SLC4A8: variants seen among roughly 807,000 people sequenced by gnomAD.
The protein encoded by SLC4A8 is electroneutral sodium bicarbonate exchanger 1.
Under a neutral mutation model 125.0 loss-of-function variants are expected in SLC4A8, and 40 were observed. That is an observed-to-expected ratio of 0.32 (90% CI 0.25 to 0.42). The LOEUF (loss-of-function observed/expected upper bound fraction) is 0.42, where lower values mean the gene tolerates loss of function less well. Ranked by LOEUF, SLC4A8 falls within the 10% of genes least tolerant of loss-of-function variation. The probability of loss-of-function intolerance (pLI) is 1.00; values close to 1 mark genes in which losing one functional copy is unlikely to be tolerated. For synonymous variants in SLC4A8, 456 were observed against 476.0 expected (o/e 0.96, Z 0.55); for missense variants, 863 against 1,355.1 (o/e 0.64, Z 5.70).
In SLC4A8 at chr12:51,444,157, G is replaced by A. The variant is rs536692260; in HGVS notation, c.130+3368G>A. Among the ~76,000 whole-genome samples the A allele has an allele frequency of 3.3e-5, 5 of 152,284 alleles. No homozygotes were observed. The East Asian group carries it at 7.7e-4, about 24-fold the overall frequency. ...TAGAAGACGGGGGCAAAGAGCGGTT[G>A]AATGGCCAACAAAGTGACCACAGAA... is the stretch of plus-strand genomic sequence containing the variant. On this transcript the variant is annotated intron_variant, in intron 2 of 24. Coordinates refer to ENST00000453097, the MANE Select transcript of SLC4A8 (RefSeq NM_001039960.3).
chr12:51,489,748 G>A lies in SLC4A8; in HGVS notation c.2497G>A (p.Gly833Ser), dbSNP rs1190526891. The A allele has an allele frequency of 6.2e-7, 1 of 1,614,146 alleles. No homozygotes were observed. The highest frequency in any genetic ancestry group is 1.1e-5 in the South Asian group (1 of 91,072). The change falls in exon 19 of 25, where the codon GGT becomes AGT. Residue 833 changes from glycine (G) to serine (S), a missense_variant. By Grantham distance (56) the Gly-to-Ser change is moderately conservative (BLOSUM62 0). Coordinates refer to ENST00000453097, the MANE Select transcript of SLC4A8 (RefSeq NM_001039960.3). ...LDLLMVAIML[G>S]VCSIMGLPWF... ...CCTACTGATGGTGGCCATCATGCTG[G>A]GTGTCTGCTCCATCATGGGCCTGCC...
In SLC4A8 at chr12:51,514,323, A is replaced by G. The variant is rs1345334758; in HGVS notation, c.*6885A>G. On this transcript the variant is annotated 3_prime_UTR_variant, in exon 25 of 25. Coordinates refer to ENST00000453097, the MANE Select transcript of SLC4A8 (RefSeq NM_001039960.3). ...TCTGGTCATAGGTGTTGGGCCTCCCATTAGGTAGAAGTCCTTTGAGCAGAC... is the reference window on the plus strand; with the variant it reads ...TCTGGTCATAGGTGTTGGGCCTCCCGTTAGGTAGAAGTCCTTTGAGCAGAC... The G allele has an allele frequency of 2.0e-5, 3 of 152,636 alleles. 1 individual carries two copies. In the South Asian group the frequency reaches 6.2e-4, roughly 32 times the overall value. 9.5% of individuals were successfully genotyped at this position (152,636 alleles called of 1,614,324 possible).
At chr12:51,468,717 G>A (rs893660837) in intron 11 of SLC4A8, among the ~76,000 whole-genome samples, 4 of 152,140 alleles carry the variant, frequency 2.6e-5, no homozygotes, top group African/African-American at 9.7e-5. Flanking sequence ...CAGAGATGGC[G>A]CCACTGCACT....
chr12:51,498,495 A>G (rs1937671218), intron 22 of SLC4A8, among the ~76,000 whole-genome samples: 1 of 152,068 alleles, frequency 6.6e-6, no homozygotes, highest in Admixed American at 6.5e-5. Context: ...CAAGGAGAAT[A>G]CTTTTTTACT....
chr12:51,425,618 G>A (rs886471360), intron 1 of SLC4A8, among the ~76,000 whole-genome samples: 3 of 152,144 alleles, frequency 2.0e-5, no homozygotes, highest in African/African-American at 7.2e-5. Flanking sequence ...GTGTGGAGGG[G>A]TCAGGAACAG....
At chr12:51,465,649 G>C (rs919418121) in intron 11 of SLC4A8, among the ~76,000 whole-genome samples, 3 of 152,194 alleles carry the variant, frequency 2.0e-5, no homozygotes, top group African/African-American at 7.2e-5. Context: ...TGGGCTCAGA[G>C]CTTAGCTCTG....
rs141661396 is a variant in SLC4A8, at chr12:51,401,002, G to C, written c.-112+9514G>C. On this transcript the variant is annotated intron_variant, in intron 1 of 24. Coordinates refer to the SLC4A8 transcript ENST00000358657. ...CACAGGGAGTGCAACAAGGGGAGTG[G>C]CTCGCTTCTTTAGGGCCCGGCTGCT... Among the ~76,000 whole-genome samples the C allele has an allele frequency of 7.2e-3, 1,092 of 151,444 alleles. 15 individuals carry two copies. Among genetic ancestry groups the C allele is most frequent in the African/African-American group, 0.025 (1,026 of 41,240 alleles).
chr12:51,493,836 G>GCTGTCCCTCCCT, intron 20 of SLC4A8, 64 bp downstream of exon 20: 5 of 1,011,076 alleles, frequency 4.9e-6, no homozygotes, highest in Non-Finnish European at 7.9e-6. Flanking sequence ...TGTCCAGGGA[G>GCTGTCCCTCCCT]GGACAGCTCC....
Position 51,510,948 on chromosome 12 carries a change from A to C in SLC4A8, c.*3510A>C, listed in dbSNP as rs1287436581. 6.6e-6 allele frequency: 1 copy of C among 152,168 alleles called. No homozygotes were observed. Among genetic ancestry groups the C allele is most frequent in the Non-Finnish European group, 1.5e-5 (1 of 68,044 alleles). 9.4% of individuals were successfully genotyped at this position (152,168 alleles called of 1,614,324 possible). ...TCTCTTTGTGAGGTTCGATTTTTTA[A>C]AAATCCATGGGTCCCTATGGACTGT... On this transcript the variant is annotated 3_prime_UTR_variant, in exon 25 of 25. Transcript: ENST00000453097.
In SLC4A8 at chr12:51,490,884, A is replaced by G. The variant is rs558101886; in HGVS notation, c.2700+933A>G. Among the ~76,000 whole-genome samples the G allele has an allele frequency of 2.6e-5, 4 of 152,314 alleles. No individual in the cohort carries two copies. The East Asian group carries it at 5.8e-4, about 22-fold the overall frequency. On this transcript the variant is annotated intron_variant, in intron 19 of 24. Coordinates refer to ENST00000453097, the MANE Select transcript of SLC4A8 (RefSeq NM_001039960.3). The stretch of plus-strand genomic sequence containing the variant: ...TCACTCTGGCTGAGGTCTAGGGAAG[A>G]ATAGAAGCAGACAGACCAGTGAAGC...
intron 15 of SLC4A8, 49 bp downstream of exon 15, chr12:51,474,496 G>GCCT: frequency 6.3e-7 from 1 of 1,579,458 alleles, no homozygotes. Flanking sequence ...CACAGGTTTA[G>GCCT]GAGGGACTTC....
At chr12:51,436,318 C>T (rs551247159) in intron 1 of SLC4A8, among the ~76,000 whole-genome samples, 2 of 152,094 alleles carry the variant, frequency 1.3e-5, no homozygotes, top group African/African-American at 4.8e-5. Flanking sequence ...CTTCTTTGTC[C>T]TTAGAGTATA....
chr12:51,508,668 TA>T lies in SLC4A8; in HGVS notation c.*1234del, dbSNP rs1250777435. On this transcript the variant is annotated 3_prime_UTR_variant, in exon 25 of 25. Transcript: ENST00000453097. ...GTGAAATTAGTTTTGGTATTTAATT[TA>T]AAACTACATTTATAGTTTTTCTCTT... The T allele has an allele frequency of 1.3e-5, 2 of 152,742 alleles. No homozygotes were observed. Among genetic ancestry groups the T allele is most frequent in the African/African-American group, 2.4e-5 (1 of 41,592 alleles). 9.5% of individuals were successfully genotyped at this position (152,742 alleles called of 1,614,324 possible). A position where few individuals can be genotyped will look rare whatever the true frequency, so the allele number is the denominator to read the frequency against.
intron 16 of SLC4A8, among the ~76,000 whole-genome samples, chr12:51,479,508 G>A (rs1250596652): frequency 6.6e-6 from 1 of 151,962 alleles, no homozygotes; most frequent in Non-Finnish European, 1.5e-5. Context: ...CCAACATGGT[G>A]AAACCCCATC....
chr12:51,485,701 A>C, intron 16 of SLC4A8, 86 bp from the exon 17 acceptor site: 1 of 676,108 alleles, frequency 1.5e-6, no homozygotes, highest in South Asian at 2.0e-5. Context: ...CATTCTTCTG[A>C]GGATTTTTAA....
chr12:51,499,659 G>T (rs572263814), intron 22 of SLC4A8, among the ~76,000 whole-genome samples: 2 of 97,182 alleles, frequency 2.1e-5, no homozygotes, highest in African/African-American at 3.5e-5. Flanking sequence ...ACACACACAC[G>T]TATATAATTT....
Position 51,470,543 on chromosome 12 carries a change from C to T in SLC4A8, c.1658+18C>T. The T allele has an allele frequency of 6.2e-7, 1 of 1,610,122 alleles. No homozygotes were observed. ...TTCTGCAAGTAAGACATTTGTTTTT[C>T]TGAAAACTCTAACCAGATTTAGTGA... On this transcript the variant is annotated intron_variant, in intron 13 of 24. Transcript: ENST00000453097.
intron 1 of SLC4A8, among the ~76,000 whole-genome samples, chr12:51,411,932 T>C (rs1368747954): frequency 6.6e-6 from 1 of 151,928 alleles, no homozygotes; most frequent in Non-Finnish European, 1.5e-5. Context: ...CGTGGTGGCA[T>C]GTGCCTGTGG....
At chr12:51,440,263 C>T (rs1408621625) in intron 1 of SLC4A8, among the ~76,000 whole-genome samples, 1 of 152,062 alleles carries the variant, frequency 6.6e-6, no homozygotes, top group South Asian at 2.1e-4. Context: ...GATTTACAGC[C>T]ACAAGACCTG....
Sources: allele counts gnomAD v4.1 joint callset (sites outside exome capture counted in the v4.1 genomes callset), GRCh38; gene constraint gnomAD v4.1.1; transcripts MANE v1.5; gene names NCBI Gene and HGNC (gene_info 2026-07-23, HGNC 2026-07-21).